The following AUTS2 variants were observed in gnomAD, a reference collection of about 807,000 sequenced individuals.
The protein encoded by AUTS2 is autism susceptibility gene 2 protein.
A neutral mutation model predicts 112.4 loss-of-function variants in AUTS2; 17 were observed. The observed-to-expected ratio is 0.15, with a 90% CI of 0.10 to 0.23. The LOEUF (loss-of-function observed/expected upper bound fraction) is 0.23, where lower values mean the gene tolerates loss of function less well. Among genes scored for constraint, AUTS2 ranks in the 10% least tolerant of loss-of-function variants. AUTS2 has a pLI of 1.00. For missense variants in AUTS2, 1,510 were observed against 1,701.6 expected (o/e 0.89, Z 1.98); for synonymous variants, 751 against 702.7 (o/e 1.07, Z -1.09).
intron 6 of AUTS2, among the ~76,000 whole-genome samples, chr7:70,741,713 A>G (rs1788122342): frequency 1.3e-5 from 2 of 152,074 alleles, no homozygotes; most frequent in African/African-American, 4.8e-5. Flanking sequence ...AGAAAGAAAA[A>G]AAAAAGAAAT....
At chr7:70,331,866 G>A (rs1298959786) in intron 4 of AUTS2, among the ~76,000 whole-genome samples, 2 of 152,048 alleles carry the variant, frequency 1.3e-5, no homozygotes, top group Non-Finnish European at 2.9e-5. Flanking sequence ...CATACTGAAT[G>A]GGCAAAAGCT....
intron 5 of AUTS2, among the ~76,000 whole-genome samples, chr7:70,612,365 C>T (rs1448922456): frequency 6.6e-6 from 1 of 152,158 alleles, no homozygotes; most frequent in Admixed American, 6.6e-5. Flanking sequence ...CATCTGACAT[C>T]GTCAGCTGTG....
chr7:70,625,384 C>T (rs1321288301), intron 5 of AUTS2, among the ~76,000 whole-genome samples: 7 of 152,316 alleles, frequency 4.6e-5, no homozygotes, highest in South Asian at 2.1e-4. Context: ...GTTTCCTCCA[C>T]GTGTTCAACC....
intron 4 of AUTS2, among the ~76,000 whole-genome samples, chr7:70,223,444 G>A (rs768906278): frequency 6.6e-6 from 1 of 152,124 alleles, no homozygotes; most frequent in Non-Finnish European, 1.5e-5. Flanking sequence ...GCCTGGTAAG[G>A]TTATAGTGCA....
At chr7:70,716,236 G>A (rs1431413844) in intron 6 of AUTS2, among the ~76,000 whole-genome samples, 2 of 152,192 alleles carry the variant, frequency 1.3e-5, no homozygotes, top group South Asian at 2.1e-4. Flanking sequence ...CTGGTGACTG[G>A]TAAGTGACAG....
At chr7:70,643,523 A>G (rs565381482) in intron 5 of AUTS2, among the ~76,000 whole-genome samples, 10 of 152,294 alleles carry the variant, frequency 6.6e-5, no homozygotes, top group African/African-American at 1.4e-4. Flanking sequence ...GTGAGCTGGG[A>G]TTACGCCACT....
chr7:70,520,019 A>G (rs957615278), intron 5 of AUTS2, among the ~76,000 whole-genome samples: 1 of 152,126 alleles, frequency 6.6e-6, no homozygotes, highest in African/African-American at 2.4e-5. Flanking sequence ...CCTTTATCAG[A>G]TATGTGATTT....
At chr7:70,342,856 C>T (rs1366841624) in intron 4 of AUTS2, among the ~76,000 whole-genome samples, 3 of 152,264 alleles carry the variant, frequency 2.0e-5, no homozygotes, top group South Asian at 4.1e-4. Flanking sequence ...CAAGGCATTC[C>T]CTTGGCTTGT....
intron 4 of AUTS2, among the ~76,000 whole-genome samples, chr7:70,362,297 TTG>T (rs1486178584): frequency 6.6e-6 from 1 of 152,168 alleles, no homozygotes; most frequent in Non-Finnish European, 1.5e-5. Context: ...CTTCCCTCCC[TTG>T]TCTCTCTCCT....
chr7:70,605,307 C>G (rs1378235131), intron 5 of AUTS2, among the ~76,000 whole-genome samples: 1 of 152,122 alleles, frequency 6.6e-6, no homozygotes, highest in African/African-American at 2.4e-5. Context: ...CCACCTACTG[C>G]TAAATGAGAC....
chr7:70,042,350 C>T (rs1034136495), intron 2 of AUTS2, among the ~76,000 whole-genome samples: 6 of 152,062 alleles, frequency 3.9e-5, no homozygotes, highest in African/African-American at 1.4e-4. Context: ...TTCAAGGTTC[C>T]TGTTGAAACA....
intron 4 of AUTS2, among the ~76,000 whole-genome samples, chr7:70,300,776 A>T (rs1455218983): frequency 6.6e-6 from 1 of 152,160 alleles, no homozygotes; most frequent in Non-Finnish European, 1.5e-5. Flanking sequence ...TCAATTTAAA[A>T]ATACTTCTAA....
At chr7:69,967,318 C>T (rs1368985381) in intron 2 of AUTS2, among the ~76,000 whole-genome samples, 1 of 129,604 alleles carries the variant, frequency 7.7e-6, no homozygotes, top group Non-Finnish European at 1.6e-5. Flanking sequence ...CTGGGAGGTA[C>T]CAGGGGACAT....
chr7:69,946,404 C>T (rs1301779611), intron 2 of AUTS2, among the ~76,000 whole-genome samples: 2 of 152,232 alleles, frequency 1.3e-5, no homozygotes, highest in East Asian at 3.9e-4. Flanking sequence ...ATCAAATCTG[C>T]TTCTCAGTAT....
intron 2 of AUTS2, among the ~76,000 whole-genome samples, chr7:70,090,855 T>C (rs1016656401): frequency 5.9e-5 from 9 of 151,926 alleles, no homozygotes; most frequent in African/African-American, 2.2e-4. Context: ...ATTTTTGTAT[T>C]TTTAGTAGAG....
At chr7:70,258,682 C>T (rs1787008878) in intron 4 of AUTS2, among the ~76,000 whole-genome samples, 1 of 152,088 alleles carries the variant, frequency 6.6e-6, no homozygotes, top group Non-Finnish European at 1.5e-5. Context: ...GTGAAAATGG[C>T]ATTTGTTTTT....
chr7:70,246,378 G>A (rs551663140), intron 4 of AUTS2, among the ~76,000 whole-genome samples: 2 of 152,138 alleles, frequency 1.3e-5, no homozygotes, highest in East Asian at 3.9e-4. Context: ...ATGATGTGAG[G>A]TAAGGTAAGG....
chr7:69,663,112 T>C (rs1795878031), intron 1 of AUTS2: 1 of 152,232 alleles, frequency 6.6e-6, no homozygotes, highest in Non-Finnish European at 1.5e-5. Context: ...CTGTCTGTTG[T>C]TTGGAATTAG....
chr7:69,690,715 C>T (rs985900443), intron 1 of AUTS2, among the ~76,000 whole-genome samples: 3 of 152,194 alleles, frequency 2.0e-5, no homozygotes, highest in Admixed American at 6.5e-5. Flanking sequence ...CTTGTAGAGC[C>T]ACTAGGTTTG....
Sources: allele counts gnomAD v4.1 joint callset (sites outside exome capture counted in the v4.1 genomes callset), GRCh38; gene constraint gnomAD v4.1.1; transcripts MANE v1.5; gene names NCBI Gene and HGNC (gene_info 2026-07-23, HGNC 2026-07-21).